The following TMEM230 variants were observed in gnomAD, a reference collection of about 807,000 sequenced individuals.
TMEM230 encodes the protein transmembrane protein 230.
Under a neutral mutation model 15.8 loss-of-function variants are expected in TMEM230, and 10 were observed. The ratio of observed to expected loss-of-function variants is 0.63; its 90% CI spans 0.39 to 1.07. The LOEUF is 1.07. Ranked by LOEUF, TMEM230 falls within the 50% of genes least tolerant of loss-of-function variation. TMEM230 has a pLI of 0.01. For missense variants in TMEM230, 165 were observed against 193.3 expected, an observed-to-expected ratio of 0.85 and a Z score of 0.87; for synonymous variants, 67 against 76.9, an observed-to-expected ratio of 0.87 and a Z score of 0.68.
intron 3 of TMEM230, among the ~76,000 whole-genome samples, chr20:5,077,217 G>A (rs1363769338): frequency 6.6e-6 from 1 of 152,044 alleles, no homozygotes; most frequent in Non-Finnish European, 1.5e-5. Context: ...TGAGGTGGGA[G>A]GGTCATTTGA....
rs1235697599 is a variant in TMEM230 at position 5,106,172 on chromosome 20, A to G, written c.411+16T>C. ...TAAAAATCTCACAACTTATTCCCAC[A>G]TGCCCGTCAGCTTACCCCTTTGCTG... On this transcript the variant is annotated intron_variant, in intron 4 of 4. Transcript: ENST00000342308. 3 of 1,602,542 alleles carry G rather than the reference A, an allele frequency of 1.9e-6. No individual in the cohort carries two copies. The highest frequency in any genetic ancestry group is 1.7e-6 in the Non-Finnish European group (2 of 1,176,866).
At chr20:5,080,451 C>T (rs2089146978) in intron 3 of TMEM230, among the ~76,000 whole-genome samples, 1 of 152,200 alleles carries the variant, frequency 6.6e-6, no homozygotes, top group Admixed American at 6.5e-5. Context: ...GACTGCTTCT[C>T]TCCAGCCTGG....
rs964961927 is a variant in TMEM230, at chr20:5,076,092, G to C, written c.223-6743C>G. Among the ~76,000 whole-genome samples, 6 of 151,346 alleles carry C rather than the reference G, an allele frequency of 4.0e-5. No individual in the cohort carries two copies. The East Asian group carries it at 9.7e-4, about 24-fold the overall frequency. On this transcript the variant is annotated intron_variant, in intron 3 of 3. Transcript: ENST00000612323. Reference sequence around the variant, plus strand: ...TCACTGCACTCCAACCTGGGCAACAGAGCAAGACCCTGTCTAAAAAAAAAA... The same window carrying C: ...TCACTGCACTCCAACCTGGGCAACACAGCAAGACCCTGTCTAAAAAAAAAA...
intron 3 of TMEM230, among the ~76,000 whole-genome samples, chr20:5,079,488 T>C (rs556474670): frequency 1.3e-5 from 2 of 152,332 alleles, no homozygotes; most frequent in East Asian, 1.9e-4. Context: ...ATTGAGACTT[T>C]AGGTTTTTGT....
downstream of TMEM230, among the ~76,000 whole-genome samples, chr20:5,063,375 C>T (rs2088624556): frequency 7.1e-6 from 1 of 140,230 alleles, no homozygotes; most frequent in South Asian, 2.3e-4. Flanking sequence ...GCAACTTCTG[C>T]CTCCCAGTTT....
intron 3 of TMEM230, among the ~76,000 whole-genome samples, chr20:5,089,382 A>T (rs990284452): frequency 6.6e-6 from 1 of 150,794 alleles, no homozygotes; most frequent in Non-Finnish European, 1.5e-5. Context: ...TCCAAAAAAA[A>T]AAAGAAAAGA....
chr20:5,081,864 C>CT (rs770805896), intron 3 of TMEM230, among the ~76,000 whole-genome samples: 1,853 of 140,098 alleles, frequency 0.013, 92 homozygotes, highest in African/African-American at 0.05. Context: ...CACTGATTTT[C>CT]TTTTTTTTCT....
chr20:5,088,415 T>C (rs753990566), intron 3 of TMEM230, among the ~76,000 whole-genome samples: 4 of 149,332 alleles, frequency 2.7e-5, no homozygotes, highest in East Asian at 2.0e-4. Flanking sequence ...ATTTGAAAAA[T>C]GAAGCTGTGT....
chr20:5,105,483 C>T (rs1018473737), intron 4 of TMEM230, among the ~76,000 whole-genome samples: 3 of 151,760 alleles, frequency 2.0e-5, no homozygotes, highest in Admixed American at 6.6e-5. Context: ...TCCAGCTACT[C>T]GGGAGGCTGA....
chr20:5,092,119 G>A (rs1568491406), intron 3 of TMEM230, among the ~76,000 whole-genome samples: 1 of 152,164 alleles, frequency 6.6e-6, no homozygotes, highest in African/African-American at 2.4e-5. Context: ...TTGCAAAGTC[G>A]TAATCTCCAC....
At chr20:5,110,336 G>A (rs1328413821) in intron 2 of TMEM230, among the ~76,000 whole-genome samples, 1 of 151,462 alleles carries the variant, frequency 6.6e-6, no homozygotes, top group South Asian at 2.1e-4. Flanking sequence ...CCAGGATGGA[G>A]TGCAGTGGCG....
chr20:5,075,434 T>C (rs1368451313), intron 3 of TMEM230, among the ~76,000 whole-genome samples: 1 of 150,810 alleles, frequency 6.6e-6, no homozygotes, highest in Non-Finnish European at 1.5e-5. Context: ...AAAATAAAAC[T>C]AAAAAGAGGC....
intron 3 of TMEM230, among the ~76,000 whole-genome samples, chr20:5,106,653 C>A (rs1226533462): frequency 6.6e-6 from 1 of 152,140 alleles, no homozygotes; most frequent in African/African-American, 2.4e-5. Context: ...GTGATCCGCC[C>A]GCCTCGGCCT....
chr20:5,108,721 T>C (rs374357750), intron 3 of TMEM230, among the ~76,000 whole-genome samples: 2 of 152,192 alleles, frequency 1.3e-5, no homozygotes, highest in East Asian at 1.9e-4. Context: ...ACGTAGAACA[T>C]TCTATTGTAA....
intron 3 of TMEM230, among the ~76,000 whole-genome samples, chr20:5,086,212 G>T (rs935432660): frequency 4.2e-5 from 6 of 143,120 alleles, no homozygotes; most frequent in African/African-American, 1.6e-4. Flanking sequence ...GGGCAACATA[G>T]TGAGACCTCA....
intron 3 of TMEM230, among the ~76,000 whole-genome samples, chr20:5,084,423 C>T (rs2089275421): frequency 6.6e-6 from 1 of 151,958 alleles, no homozygotes; most frequent in African/African-American, 2.4e-5. Flanking sequence ...GGGGTTTCAC[C>T]ATATTGGTCA....
At chr20:5,094,658 G>T (rs2122678733) in intron 3 of TMEM230, among the ~76,000 whole-genome samples, 1 of 128,422 alleles carries the variant, frequency 7.8e-6, no homozygotes, top group Middle Eastern at 5.7e-3. Context: ...AGTGAGCTGA[G>T]ATCCCGCCAC....
intron 3 of TMEM230, 154 bp downstream of exon 2, chr20:5,109,178 C>G: frequency 1.7e-6 from 1 of 583,490 alleles, no homozygotes; most frequent in Non-Finnish European, 3.0e-6. Context: ...CCCTCTTCTG[C>G]GATTATGGCT....
At chr20:5,091,818 G>C (rs2089515479) in intron 3 of TMEM230, among the ~76,000 whole-genome samples, 1 of 152,176 alleles carries the variant, frequency 6.6e-6, no homozygotes, top group Non-Finnish European at 1.5e-5. Flanking sequence ...GATATGCAAA[G>C]TTAAGTCAAA....
Sources: gnomAD v4.1 joint callset for allele counts (sites outside exome capture counted in the v4.1 genomes callset) on GRCh38, gnomAD v4.1.1 for gene constraint, MANE v1.5 for transcripts, NCBI Gene and HGNC (gene_info 2026-07-23, HGNC 2026-07-21) for gene names.